Variants in LRRC7 observed in about 807,000 individuals in gnomAD.
LRRC7 encodes leucine rich repeat containing 7.
A neutral mutation model predicts 175.7 loss-of-function variants in LRRC7; 23 were observed. That is an observed-to-expected ratio of 0.13 (90% CI 0.09 to 0.19). The LOEUF (loss-of-function observed/expected upper bound fraction) is 0.19, where lower values mean the gene tolerates loss of function less well. LRRC7 is among the 10% of genes least tolerant of loss of function. LRRC7 has a pLI of 1.00. For missense variants in LRRC7, 1,354 were observed against 1,904.7 expected (o/e 0.71, Z 5.38); for synonymous variants, 685 against 680.9 (o/e 1.01, Z -0.09).
intron 1 of LRRC7, among the ~76,000 whole-genome samples, chr1:69,656,549 A>G (rs969104909): frequency 1.3e-5 from 2 of 152,026 alleles, no homozygotes; most frequent in Non-Finnish European, 2.9e-5. Flanking sequence ...TTACTAACTA[A>G]CATATTTTGG....
chr1:69,805,642 T>G (rs34945776), intron 4 of LRRC7, among the ~76,000 whole-genome samples: 17,895 of 151,876 alleles, frequency 0.12, 1,368 homozygotes, highest in Non-Finnish European at 0.18. Flanking sequence ...CTCCTCTGGG[T>G]TATGGTGTTA....
intron 4 of LRRC7, among the ~76,000 whole-genome samples, chr1:69,802,122 G>T (rs1676584860): frequency 6.6e-6 from 1 of 151,204 alleles, no homozygotes; most frequent in African/African-American, 2.4e-5. Flanking sequence ...ATTGAGACTT[G>T]TTTTATGGCC....
chr1:70,008,278 A>C (rs897252190), intron 11 of LRRC7, among the ~76,000 whole-genome samples: 2 of 152,208 alleles, frequency 1.3e-5, no homozygotes, highest in East Asian at 1.9e-4. Flanking sequence ...CACCAGATTA[A>C]GGGTGGATCT....
At chr1:70,099,018 C>A (rs1452934445) in intron 25 of LRRC7, among the ~76,000 whole-genome samples, 228 of 151,852 alleles carry the variant, frequency 1.5e-3, no homozygotes, top group African/African-American at 2.7e-3. Context: ...GACACAACCA[C>A]AAAAGAGAAT....
At chr1:69,962,705 C>T (rs976173848) in intron 8 of LRRC7, among the ~76,000 whole-genome samples, 3 of 152,060 alleles carry the variant, frequency 2.0e-5, no homozygotes, top group Non-Finnish European at 2.9e-5. Flanking sequence ...GGCCATTATC[C>T]TTAACAAACT....
intron 25 of LRRC7, among the ~76,000 whole-genome samples, chr1:70,106,001 C>T (rs1220942753): frequency 6.6e-6 from 1 of 152,096 alleles, no homozygotes; most frequent in African/African-American, 2.4e-5. Context: ...CACATACACA[C>T]ACATATACAC....
At chr1:69,810,804 T>C (rs1677751260) in intron 4 of LRRC7, among the ~76,000 whole-genome samples, 1 of 152,006 alleles carries the variant, frequency 6.6e-6, no homozygotes, top group East Asian at 1.9e-4. Flanking sequence ...ATATAAAACC[T>C]AAAACCATAA....
At chr1:69,775,939 T>A (rs773082952) in intron 3 of LRRC7, among the ~76,000 whole-genome samples, 1 of 152,138 alleles carries the variant, frequency 6.6e-6, no homozygotes, top group Non-Finnish European at 1.5e-5. Flanking sequence ...TAATGTAAGC[T>A]CACCCTTATT....
At chr1:69,879,782 G>A (rs909426455) in intron 7 of LRRC7, 1 of 152,260 alleles carries the variant, frequency 6.6e-6, no homozygotes, top group African/African-American at 2.4e-5. Context: ...ACCAACTCAG[G>A]TCGGAAACGG....
chr1:69,696,125 C>A (rs1173257802), intron 2 of LRRC7, among the ~76,000 whole-genome samples: 1 of 152,216 alleles, frequency 6.6e-6, no homozygotes, highest in African/African-American at 2.4e-5. Context: ...TCAACTCCAA[C>A]CTGTAAGGGC....
chr1:69,662,235 A>T (rs1657575626), intron 1 of LRRC7, among the ~76,000 whole-genome samples: 1 of 151,862 alleles, frequency 6.6e-6, no homozygotes, highest in African/African-American at 2.4e-5. Context: ...TGTGTAGGGC[A>T]TACATTTATT....
At chr1:69,912,335 T>C (rs1646557035) in intron 7 of LRRC7, among the ~76,000 whole-genome samples, 1 of 152,170 alleles carries the variant, frequency 6.6e-6, no homozygotes, top group South Asian at 2.1e-4. Context: ...GTGGTGGTGG[T>C]CCTTGCCCAG....
intron 4 of LRRC7, among the ~76,000 whole-genome samples, chr1:69,824,924 G>A (rs1386927469): frequency 1.3e-5 from 2 of 152,134 alleles, no homozygotes; most frequent in Non-Finnish European, 2.9e-5. Context: ...CTTTTGCAGG[G>A]CCTACTACAT....
intron 21 of LRRC7, among the ~76,000 whole-genome samples, chr1:70,040,370 G>A (rs1370075102): frequency 3.3e-5 from 5 of 152,132 alleles, no homozygotes; most frequent in Non-Finnish European, 7.4e-5. Context: ...TAAAAAGCCT[G>A]CCATTTAGAA....
intron 7 of LRRC7, among the ~76,000 whole-genome samples, chr1:69,868,429 T>TA (rs1396954382): frequency 6.6e-6 from 1 of 152,134 alleles, no homozygotes; most frequent in Non-Finnish European, 1.5e-5. Flanking sequence ...AGATATTGAT[T>TA]AAACTGAGTC....
chr1:69,819,005 G>C (rs1461707245), intron 4 of LRRC7, among the ~76,000 whole-genome samples: 1 of 151,412 alleles, frequency 6.6e-6, no homozygotes, highest in South Asian at 2.1e-4. Flanking sequence ...GTAGCTAAAG[G>C]CTTGTCAATT....
At chr1:69,600,723 A>G (rs934161065) in intron 1 of LRRC7, among the ~76,000 whole-genome samples, 4 of 151,336 alleles carry the variant, frequency 2.6e-5, no homozygotes, top group African/African-American at 7.3e-5. Flanking sequence ...GGACAGTACA[A>G]GATACTCCAG....
intron 7 of LRRC7, among the ~76,000 whole-genome samples, chr1:69,894,802 G>C (rs560518421): frequency 6.6e-6 from 1 of 152,308 alleles, no homozygotes; most frequent in Admixed American, 6.5e-5. Context: ...CAAAGGTATA[G>C]AAGTAAATAG....
At chr1:70,081,902 C>T (rs1218423166) in intron 24 of LRRC7, among the ~76,000 whole-genome samples, 1 of 152,144 alleles carries the variant, frequency 6.6e-6, no homozygotes, top group Non-Finnish European at 1.5e-5. Flanking sequence ...AACTTCTAAG[C>T]TCACATTAGA....
Sources: allele counts gnomAD v4.1 joint callset (sites outside exome capture counted in the v4.1 genomes callset), GRCh38; gene constraint gnomAD v4.1.1; transcripts MANE v1.5; gene names NCBI Gene and HGNC (gene_info 2026-07-23, HGNC 2026-07-21).